Variants in ARHGEF26 observed in about 807,000 individuals in gnomAD.
ARHGEF26 encodes the protein Rho guanine nucleotide exchange factor 26, also known as Rho guanine nucleotide exchange factor (GEF) 26.
A neutral mutation model predicts 89.4 loss-of-function variants in ARHGEF26; 59 were observed. The ratio of observed to expected loss-of-function variants is 0.66; its 90% CI spans 0.54 to 0.82. The LOEUF is 0.82. Ranked by LOEUF, ARHGEF26 falls within the 40% of genes least tolerant of loss-of-function variation. The pLI is 0.00. For synonymous variants in ARHGEF26, 500 were observed against 428.4 expected, an observed-to-expected ratio of 1.17 and a Z score of -2.06; for missense variants, 1,234 against 1,085.6, an observed-to-expected ratio of 1.14 and a Z score of -1.92.
intron 5 of ARHGEF26, among the ~76,000 whole-genome samples, chr3:154,150,929 T>C (rs773635632): frequency 3.3e-5 from 5 of 152,210 alleles, no homozygotes; most frequent in Admixed American, 1.3e-4. Flanking sequence ...TAGCAATTAT[T>C]TTATTAAACT....
intron 12 of ARHGEF26, among the ~76,000 whole-genome samples, chr3:154,242,578 A>G (rs1384883971): frequency 6.6e-6 from 1 of 152,258 alleles, no homozygotes; most frequent in East Asian, 1.9e-4. Flanking sequence ...GGAAATGACA[A>G]CAAAGGATTT....
At chr3:154,206,380 A>G (rs1460710069) in intron 9 of ARHGEF26, among the ~76,000 whole-genome samples, 1 of 152,188 alleles carries the variant, frequency 6.6e-6, no homozygotes, top group African/African-American at 2.4e-5. Context: ...CTGGGCTCCA[A>G]AAGCTTCTTA....
intron 8 of ARHGEF26, among the ~76,000 whole-genome samples, chr3:154,193,660 C>T (rs78670475): frequency 0.012 from 1,829 of 152,218 alleles, 34 homozygotes; most frequent in African/African-American, 0.041. Context: ...TAAACACTTT[C>T]AGTAATTAAA....
At chr3:154,182,087 A>C (rs1384474617) in intron 6 of ARHGEF26, among the ~76,000 whole-genome samples, 1 of 150,818 alleles carries the variant, frequency 6.6e-6, no homozygotes, top group Non-Finnish European at 1.5e-5. Context: ...CACACACACT[A>C]TATATATATA....
chr3:154,126,781 A>T (rs947434814), intron 3 of ARHGEF26, among the ~76,000 whole-genome samples: 4 of 152,170 alleles, frequency 2.6e-5, no homozygotes, highest in African/African-American at 9.7e-5. Flanking sequence ...AGTTCTTTTA[A>T]GATACAGCCA....
chr3:154,241,791 G>A (rs1489773337), intron 12 of ARHGEF26, among the ~76,000 whole-genome samples: 4 of 152,310 alleles, frequency 2.6e-5, no homozygotes, highest in Admixed American at 1.3e-4. Context: ...CAGGATTCTT[G>A]CTGAAGACAG....
chr3:154,214,737 A>C (rs1715609565), intron 9 of ARHGEF26, among the ~76,000 whole-genome samples: 2 of 152,208 alleles, frequency 1.3e-5, no homozygotes, highest in Non-Finnish European at 2.9e-5. Context: ...TGTCCCAAGC[A>C]GCAGGAGCCT....
chr3:154,121,851 A>G (rs1717944954), intron 1 of ARHGEF26, 91 bp from the exon 2 acceptor site: 2 of 1,173,888 alleles, frequency 1.7e-6, no homozygotes, highest in East Asian at 5.2e-5. Context: ...CCTGCGCAGC[A>G]GCAGGGGGAC....
At chr3:154,178,023 G>T (rs1193978543) in intron 6 of ARHGEF26, among the ~76,000 whole-genome samples, 2 of 151,992 alleles carry the variant, frequency 1.3e-5, no homozygotes, top group Non-Finnish European at 2.9e-5. Flanking sequence ...GGCCAACCTG[G>T]TGAACCCCTG....
intron 9 of ARHGEF26, among the ~76,000 whole-genome samples, chr3:154,216,052 T>C (rs924573070): frequency 2.0e-5 from 3 of 152,218 alleles, no homozygotes; most frequent in South Asian, 4.1e-4. Context: ...CCAGTCTGTT[T>C]CCAACTACAT....
chr3:154,193,642 C>A (rs1439967368), intron 8 of ARHGEF26, among the ~76,000 whole-genome samples: 1 of 152,106 alleles, frequency 6.6e-6, no homozygotes, highest in East Asian at 1.9e-4. Context: ...TAAGCTTGTT[C>A]ATTAAAATAA....
intron 6 of ARHGEF26, among the ~76,000 whole-genome samples, chr3:154,156,443 A>G (rs1413187569): frequency 6.6e-6 from 1 of 152,154 alleles, no homozygotes; most frequent in Admixed American, 6.5e-5. Flanking sequence ...ACAAAGAAAT[A>G]TCTGTATTCT....
intron 11 of ARHGEF26, among the ~76,000 whole-genome samples, chr3:154,237,554 A>ACACACACACACG (rs1380108595): frequency 6.6e-6 from 1 of 151,636 alleles, no homozygotes; most frequent in African/African-American, 2.4e-5. Flanking sequence ...ACACACACAC[A>ACACACACACACG]CACACACACA....
chr3:154,149,284 C>CTCCTAAT lies in ARHGEF26; in HGVS notation c.1270-102_1270-96dup, dbSNP rs1239787183. The CTCCTAAT allele has an allele frequency of 5.8e-6, 4 of 691,894 alleles. No individual in the cohort carries two copies. The East Asian group carries it at 1.1e-4, about 19-fold the overall frequency. The allele number at this position is 691,894 out of a possible 1,614,324, so 42.9% of individuals were successfully genotyped here. On this transcript the variant is annotated intron_variant, in intron 4 of 14. Transcript: ENST00000465093. ...ATGAATTCAACATTTTGTATAGTTT[C>CTCCTAAT]TCCTAATTCATTTTTGAAGGGCATA...
chr3:154,167,633 T>G (rs1186624894), intron 6 of ARHGEF26, among the ~76,000 whole-genome samples: 3 of 152,326 alleles, frequency 2.0e-5, no homozygotes, highest in African/African-American at 7.2e-5. Context: ...GTAGTTAAAT[T>G]GATCCTTTAG....
intron 4 of ARHGEF26, among the ~76,000 whole-genome samples, chr3:154,135,113 C>T (rs1718921971): frequency 6.6e-6 from 1 of 151,952 alleles, no homozygotes; most frequent in Non-Finnish European, 1.5e-5. Context: ...GAGAGGAGTT[C>T]CTCTTCTCCA....
intron 9 of ARHGEF26, among the ~76,000 whole-genome samples, chr3:154,213,780 A>G (rs1715551343): frequency 1.3e-5 from 2 of 152,160 alleles, no homozygotes; most frequent in Admixed American, 1.3e-4. Context: ...ACAAAAAAAG[A>G]CGGGAAGATA....
intron 6 of ARHGEF26, chr3:154,187,170 G>A: frequency 2.1e-6 from 2 of 972,088 alleles, no homozygotes; most frequent in Non-Finnish European, 2.4e-6. Flanking sequence ...GATTACACAT[G>A]TGAGCCACCA....
At chr3:154,226,275 T>C (rs1024830526) in intron 11 of ARHGEF26, among the ~76,000 whole-genome samples, 4 of 152,236 alleles carry the variant, frequency 2.6e-5, no homozygotes, top group Non-Finnish European at 5.9e-5. Context: ...TCAATTCTTA[T>C]GATATCCCTG....
Sources: allele counts gnomAD v4.1 joint callset (sites outside exome capture counted in the v4.1 genomes callset), GRCh38; gene constraint gnomAD v4.1.1; transcripts MANE v1.5; gene names NCBI Gene and HGNC (gene_info 2026-07-23, HGNC 2026-07-21).